Variants in DSCAM observed in about 807,000 individuals in gnomAD.
DSCAM encodes DS cell adhesion molecule.
A neutral mutation model predicts 217.7 loss-of-function variants in DSCAM; 47 were observed. The ratio of observed to expected loss-of-function variants is 0.22; its 90% CI spans 0.17 to 0.28. The LOEUF (loss-of-function observed/expected upper bound fraction) is 0.28. Ranked by LOEUF, DSCAM falls within the 10% of genes least tolerant of loss-of-function variation. DSCAM has a pLI of 1.00. For missense variants in DSCAM, 2,080 were observed against 2,618.3 expected, an observed-to-expected ratio of 0.79 and a Z score of 4.49; for synonymous variants, 1,056 against 1,015.3, an observed-to-expected ratio of 1.04 and a Z score of -0.76.
chr21:40,721,302 G>A (rs1479000551), intron 1 of DSCAM, among the ~76,000 whole-genome samples: 1 of 152,062 alleles, frequency 6.6e-6, no homozygotes, highest in African/African-American at 2.4e-5. Context: ...AGGGAAATAT[G>A]GCATATTATT....
chr21:40,774,999 A>G (rs1189845820), intron 1 of DSCAM, among the ~76,000 whole-genome samples: 1 of 151,928 alleles, frequency 6.6e-6, no homozygotes, highest in East Asian at 1.9e-4. Context: ...TAATTTTTAC[A>G]AAATAATTTT....
At chr21:40,524,110 CCTTAAGAAAATTTATTTATTTA>C (rs2076381429) in intron 3 of DSCAM, among the ~76,000 whole-genome samples, 2 of 152,016 alleles carry the variant, frequency 1.3e-5, no homozygotes, top group African/African-American at 4.8e-5. Context: ...GCAGTTGGGT[CCTTAAGAAAATTTATTTATTTA>C]TTTATTTTAA....
intron 1 of DSCAM, among the ~76,000 whole-genome samples, chr21:40,756,074 T>C (rs1157331066): frequency 6.6e-6 from 1 of 152,234 alleles, no homozygotes; most frequent in East Asian, 1.9e-4. Flanking sequence ...TCATTTCCAA[T>C]GTTGAAGGTG....
intron 2 of DSCAM, among the ~76,000 whole-genome samples, chr21:40,703,966 C>A (rs1481750196): frequency 6.6e-6 from 1 of 152,032 alleles, no homozygotes; most frequent in Non-Finnish European, 1.5e-5. Flanking sequence ...CTTGCCACAT[C>A]CTTTAATTTC....
At chr21:40,246,829 C>A (rs1160707728) in intron 11 of DSCAM, among the ~76,000 whole-genome samples, 1 of 152,110 alleles carries the variant, frequency 6.6e-6, no homozygotes, top group Non-Finnish European at 1.5e-5. Flanking sequence ...AGCTGGTCAC[C>A]TATATGTGGC....
intron 32 of DSCAM, among the ~76,000 whole-genome samples, chr21:40,014,641 CAA>C (rs1273001170): frequency 2.6e-5 from 4 of 152,158 alleles, no homozygotes; most frequent in Non-Finnish European, 4.4e-5. Flanking sequence ...TGCCTCCAAC[CAA>C]TCCCTCCTTC....
At chr21:40,219,507 T>C (rs894455329) in intron 11 of DSCAM, among the ~76,000 whole-genome samples, 1 of 152,174 alleles carries the variant, frequency 6.6e-6, no homozygotes, top group Non-Finnish European at 1.5e-5. Context: ...AGAGAAACAA[T>C]TTTTTATTAT....
chr21:40,413,660 T>A (rs115267519), intron 3 of DSCAM, among the ~76,000 whole-genome samples: 5,685 of 152,270 alleles, frequency 0.037, 234 homozygotes, highest in East Asian at 0.2. Context: ...TGAAACAACT[T>A]TGAATAAGAA....
At chr21:40,780,413 G>GTATATATATATATATATATA (rs1196794146) in intron 1 of DSCAM, among the ~76,000 whole-genome samples, 2 of 45,116 alleles carry the variant, frequency 4.4e-5, no homozygotes, top group East Asian at 4.6e-4. Context: ...GTGTGTGTGT[G>GTATATATATATATATATATA]TGTGTGTGTG....
intron 3 of DSCAM, among the ~76,000 whole-genome samples, chr21:40,667,713 C>T (rs779566778): frequency 6.6e-6 from 1 of 151,800 alleles, no homozygotes; most frequent in Non-Finnish European, 1.5e-5. Flanking sequence ...CTTTTCCCCG[C>T]TTTTGCTTGG....
chr21:40,027,268 C>T (rs1041641278), intron 32 of DSCAM, among the ~76,000 whole-genome samples: 1 of 152,310 alleles, frequency 6.6e-6, no homozygotes, highest in African/African-American at 2.4e-5. Flanking sequence ...ATGGGCTTCC[C>T]TTTGAGGGTA....
At chr21:40,840,514 C>T (rs1221951901) in intron 1 of DSCAM, among the ~76,000 whole-genome samples, 1 of 152,122 alleles carries the variant, frequency 6.6e-6, no homozygotes, top group African/African-American at 2.4e-5. Flanking sequence ...AGGGGTCCAG[C>T]ACATGGATGA....
chr21:40,369,436 A>G (rs1375858209), intron 3 of DSCAM, among the ~76,000 whole-genome samples, 191 bp from the exon 4 acceptor site: 1 of 148,694 alleles, frequency 6.7e-6, no homozygotes, highest in East Asian at 2.0e-4. Context: ...TAAGGGTCCA[A>G]GCTGTTTTAA....
intron 11 of DSCAM, among the ~76,000 whole-genome samples, chr21:40,221,290 G>A (rs2146903974): frequency 6.6e-6 from 1 of 151,946 alleles, no homozygotes; most frequent in African/African-American, 2.4e-5. Flanking sequence ...ATTACAATCA[G>A]ACACCTGATT....
intron 4 of DSCAM, among the ~76,000 whole-genome samples, chr21:40,364,120 C>T (rs539625181): frequency 6.6e-6 from 1 of 152,256 alleles, no homozygotes; most frequent in East Asian, 1.9e-4. Flanking sequence ...GTCAGTGTGG[C>T]GATTCCTCAG....
intron 3 of DSCAM, among the ~76,000 whole-genome samples, chr21:40,468,337 G>C (rs2145962363): frequency 6.6e-6 from 1 of 152,218 alleles, no homozygotes; most frequent in East Asian, 1.9e-4. Flanking sequence ...GATACTTTTT[G>C]GTTTGTAATA....
intron 3 of DSCAM, among the ~76,000 whole-genome samples, chr21:40,691,939 A>G (rs544783883): frequency 3.3e-5 from 5 of 152,356 alleles, no homozygotes; most frequent in Admixed American, 6.5e-5. Context: ...TCTGCTCTCT[A>G]TAAATGGATA....
intron 3 of DSCAM, among the ~76,000 whole-genome samples, chr21:40,559,744 C>T (rs1330405907): frequency 6.6e-6 from 1 of 151,088 alleles, no homozygotes; most frequent in Non-Finnish European, 1.5e-5. Context: ...ACTTTTTTTC[C>T]CTCTCTGTAA....
chr21:40,641,263 T>A (rs1399218623), intron 3 of DSCAM, among the ~76,000 whole-genome samples: 1 of 151,710 alleles, frequency 6.6e-6, no homozygotes, highest in Non-Finnish European at 1.5e-5. Flanking sequence ...ATGGGTGTGG[T>A]CTGGGTGGTG....
Sources: gnomAD v4.1 joint callset for allele counts (sites outside exome capture counted in the v4.1 genomes callset) on GRCh38, gnomAD v4.1.1 for gene constraint, MANE v1.5 for transcripts, NCBI Gene and HGNC (gene_info 2026-07-23, HGNC 2026-07-21) for gene names.